Variants in SUPT7L observed in about 807,000 individuals in gnomAD.
SUPT7L encodes the protein SPT7 like, STAGA complex subunit gamma, also known as STAGA complex 65 subunit gamma.
SUPT7L carries 15 observed loss-of-function variants against 35.7 expected under a neutral mutation model. That is an observed-to-expected ratio of 0.42 (90% confidence interval 0.28 to 0.65). The LOEUF (loss-of-function observed/expected upper bound fraction) is 0.65, where lower values mean the gene tolerates loss of function less well. SUPT7L is among the 30% of genes least tolerant of loss of function. The probability of loss-of-function intolerance (pLI) is 0.23; values close to 1 mark genes in which losing one functional copy is unlikely to be tolerated. For missense variants in SUPT7L, 434 were observed against 522.2 expected (o/e 0.83, Z 1.65); for synonymous variants, 168 against 186.2 (o/e 0.90, Z 0.79).
chr2:27,661,724 T>C, intron 2 of SUPT7L: 4 of 800,914 alleles, frequency 5.0e-6, no homozygotes, highest in Non-Finnish European at 6.8e-6. Context: ...TACAACAGCA[T>C]CTGGAGCTCT....
the SUPT7L span, among the ~76,000 whole-genome samples, chr2:27,642,958 TACACACACAC>T: frequency 4.1e-5 from 5 of 122,610 alleles, no homozygotes; most frequent in African/African-American, 6.0e-5. Context: ...TATATATATA[TACACACACAC>T]ACACACACAC....
chr2:27,648,728 C>T (rs1012392087), downstream of SUPT7L, among the ~76,000 whole-genome samples: 18 of 152,122 alleles, frequency 1.2e-4, no homozygotes, highest in African/African-American at 2.4e-4. Flanking sequence ...CGCTGCCTCC[C>T]GGGTTCAAGT....
At chr2:27,642,956 T>TACACACAC in the SUPT7L span, among the ~76,000 whole-genome samples, 5,974 of 85,252 alleles carry the variant, frequency 0.07, 156 homozygotes, top group South Asian at 0.11. Flanking sequence ...TATATATATA[T>TACACACAC]ATACACACAC....
Position 27,657,425 on chromosome 2 carries a change from C to T in SUPT7L, c.664G>A (p.Glu222Lys). ...FPDVMEQVFHEVGIGSVLSLQ... is the reference protein window; with the variant it reads ...FPDVMEQVFHKVGIGSVLSLQ... ...GAGAGCACACTGCCAATACCCACTT[C>T]ATGGAATACCTGCTCCATCACATCA... Residue 222 changes from glutamate (E) to lysine (K), a missense_variant, in exon 4 of 6, where the codon GAA becomes AAA. Coordinates refer to ENST00000337768, the MANE Select transcript of SUPT7L (RefSeq NM_014860.3). The surrounding 1 kb of genome is among the most constrained non-coding windows in gnomAD (Gnocchi z 5.2). The T allele has an allele frequency of 6.2e-7, 1 of 1,614,282 alleles. No individual in the cohort carries two copies.
rs983855346 is a variant in SUPT7L, at chr2:27,663,408, G to C, written c.-169C>G. The stretch of plus-strand genomic sequence containing the variant: ...GGGGTTTCCTCGGTCACGGTCCGCC[G>C]GCGCAGGCGCCAATCACAGGGTCCT... On this transcript the variant is annotated 5_prime_UTR_variant, in exon 1 of 6. Transcript: ENST00000337768. 3.5e-5 allele frequency: 8 copies of C among 231,248 alleles called. No homozygotes were observed. 14.3% of individuals were successfully genotyped at this position (231,248 alleles called of 1,614,324 possible).
chr2:27,661,262 C>T lies in SUPT7L; in HGVS notation c.141G>A (p.Pro47=), dbSNP rs202100505. 176 of 1,613,242 alleles carry T rather than the reference C, an allele frequency of 1.1e-4. No homozygotes were observed. The highest frequency in any genetic ancestry group is 1.5e-4 in the Admixed American group (9 of 59,944). The change falls in exon 3 of 6, where the codon CCG becomes CCA. Residue 47 remains proline (P), a synonymous_variant. Coordinates refer to ENST00000337768, the MANE Select transcript of SUPT7L (RefSeq NM_014860.3). ...PPLHQPSANK[P]KPPTMLDIPS... The stretch of plus-strand genomic sequence containing the variant: ...GGATGTCCAGCATAGTGGGGGGCTT[C>T]GGCTTGTTGGCTGAGGGTTGGTGCA...
downstream of SUPT7L, among the ~76,000 whole-genome samples, chr2:27,646,586 T>C (rs1674245510): frequency 6.6e-6 from 1 of 152,212 alleles, no homozygotes; most frequent in East Asian, 1.9e-4. Flanking sequence ...CACCCCTGTA[T>C]ATTGAGGGAC....
rs200753357 is a variant in SUPT7L at position 27,653,672 on chromosome 2, T to C, written c.1058A>G (p.Asn353Ser). 5.5e-5 allele frequency: 89 copies of C among 1,614,078 alleles called. No individual in the cohort carries two copies. The highest frequency in any genetic ancestry group is 6.9e-5 in the Non-Finnish European group (82 of 1,180,040). The part of the protein sequence containing the change: ...KMEPQESEEG[N>S]VSGHGVLGSD... Reference sequence around the variant, plus strand: ...GCCCAGCACACCATGCCCAGAGACATTGCCTTCTTCACTTTCTTGAGGCTC... The same window carrying C: ...GCCCAGCACACCATGCCCAGAGACACTGCCTTCTTCACTTTCTTGAGGCTC... The change falls in exon 6 of 6, where the codon AAT becomes AGT. Residue 353 changes from asparagine to serine, a missense_variant. Coordinates refer to ENST00000337768, the MANE Select transcript of SUPT7L (RefSeq NM_014860.3).
the SUPT7L span, among the ~76,000 whole-genome samples, chr2:27,643,750 A>G: frequency 6.6e-6 from 1 of 152,196 alleles, no homozygotes; most frequent in Non-Finnish European, 1.5e-5. This position sits in a 1 kb window ranked among gnomAD's most constrained non-coding sequence, Gnocchi z 4.0. Context: ...GATTTGATTC[A>G]GGTGACTAAT....
At chr2:27,650,218 C>G (rs1558494802), downstream of SUPT7L, 1 of 1,440,134 alleles carries the variant, frequency 6.9e-7, no homozygotes, top group Non-Finnish European at 9.8e-7. Context: ...TAGCACACTT[C>G]ACTTGTTTCT....
rs777041791 is a variant in SUPT7L, at chr2:27,653,641, A to G, written c.1089T>C (p.Asp363=). 1.2e-6 allele frequency: 2 copies of G among 1,614,204 alleles called. No homozygotes were observed. The highest frequency in any genetic ancestry group is 8.5e-7 in the Non-Finnish European group (1 of 1,180,048). ...TGCCTGACATAGGCTCCTCGAAGAC[A>G]TCACTGCCCAGCACACCATGCCCAG... ...NVSGHGVLGS[D]VFEEPMSGMS... The change falls in exon 6 of 6, where the codon GAT becomes GAC. Residue 363 remains aspartate (D), a synonymous_variant. Coordinates refer to ENST00000337768, the MANE Select transcript of SUPT7L (RefSeq NM_014860.3).
chr2:27,647,590 T>C (rs985171668), downstream of SUPT7L, among the ~76,000 whole-genome samples: 2 of 152,212 alleles, frequency 1.3e-5, no homozygotes, highest in South Asian at 4.1e-4. Flanking sequence ...ACAAGCTTCT[T>C]GAAAATTATT....
rs1674599063 is a variant in SUPT7L at position 27,652,405 on chromosome 2, T to C, written c.*1080A>G. On this transcript the variant is annotated 3_prime_UTR_variant, in exon 6 of 6. Coordinates refer to ENST00000337768, the MANE Select transcript of SUPT7L (RefSeq NM_014860.3). The stretch of plus-strand genomic sequence containing the variant: ...TATATTTTGCATCAGAAAATCAAAC[T>C]TCAGCAGTTTAACATGCTGGCATCC... 1 of 152,348 alleles carries C rather than the reference T, an allele frequency of 6.6e-6. No homozygotes were observed. The highest frequency in any genetic ancestry group is 2.4e-5 in the African/African-American group (1 of 41,460). 9.4% of individuals were successfully genotyped at this position (152,348 alleles called of 1,614,324 possible).
downstream of SUPT7L, among the ~76,000 whole-genome samples, chr2:27,645,973 GCCCACCTCAGCCA>G (rs751295419): frequency 6.6e-5 from 10 of 151,924 alleles, no homozygotes; most frequent in Non-Finnish European, 1.3e-4. Flanking sequence ...CAAGTGATCT[GCCCACCTCAGCCA>G]CCCAAAGTAC....
the SUPT7L span, among the ~76,000 whole-genome samples, chr2:27,643,112 A>G: frequency 6.6e-6 from 1 of 151,396 alleles, no homozygotes; most frequent in Non-Finnish European, 1.5e-5. This position sits in a 1 kb window ranked among gnomAD's most constrained non-coding sequence, Gnocchi z 4.0. Context: ...TACTTTGGCA[A>G]TATACTTGAT....
At chr2:27,662,018 C>T (rs1675137489) in intron 2 of SUPT7L, 161 bp downstream of exon 2, 2 of 905,142 alleles carry the variant, frequency 2.2e-6, no homozygotes, top group East Asian at 5.3e-5. Flanking sequence ...TAACTGGTAT[C>T]CCTTCCTCCA....
At chr2:27,646,214 G>A (rs1217953835), downstream of SUPT7L, among the ~76,000 whole-genome samples, 2 of 151,970 alleles carry the variant, frequency 1.3e-5, no homozygotes, top group African/African-American at 2.4e-5. Flanking sequence ...GCTAATTTTT[G>A]CATTTTTAGT....
the SUPT7L span, among the ~76,000 whole-genome samples, chr2:27,642,918 A>G: frequency 6.6e-6 from 1 of 150,928 alleles, no homozygotes; most frequent in South Asian, 2.1e-4. Context: ...AGAGAGAAAG[A>G]GAAAAAGATA....
At position 27,657,797 on chromosome 2, in the gene SUPT7L, T is replaced by C. The variant is rs768655312; in HGVS notation, c.420-128A>G. On this transcript the variant is annotated intron_variant, in intron 3 of 5. Coordinates refer to ENST00000337768, the MANE Select transcript of SUPT7L (RefSeq NM_014860.3). The surrounding 1 kb of genome is among the most constrained non-coding windows in gnomAD (Gnocchi z 5.2). ...CTTTCCAGGGAAATTCCATCCAAGT[T>C]ACATAGCTCAGTTTCATCCTGCTGC... The C allele has an allele frequency of 5.9e-5, 52 of 877,200 alleles. No individual in the cohort carries two copies. Among genetic ancestry groups the C allele is most frequent in the Non-Finnish European group, 8.9e-5 (52 of 584,590 alleles). The allele number at this position is 877,200 out of a possible 1,614,324, so 54.3% of individuals were successfully genotyped here. A position where few individuals can be genotyped will look rare whatever the true frequency, so the allele number is the denominator to read the frequency against.
Sources: allele counts gnomAD v4.1 joint callset (sites outside exome capture counted in the v4.1 genomes callset), GRCh38; gene constraint gnomAD v4.1.1; non-coding constraint Gnocchi (gnomAD v3.1); transcripts MANE v1.5; gene names NCBI Gene and HGNC (gene_info 2026-07-23, HGNC 2026-07-21).